Variants in MYO10 observed in about 807,000 individuals in gnomAD.
MYO10 encodes myosin X, also known as unconventional myosin-X.
Under a neutral mutation model 257.3 loss-of-function variants are expected in MYO10, and 133 were observed. The observed-to-expected ratio is 0.52, with a 90% CI of 0.45 to 0.60. MYO10 has a LOEUF of 0.60. Ranked by LOEUF, MYO10 falls within the 20% of genes least tolerant of loss-of-function variation. MYO10 has a pLI of 0.00. For missense variants in MYO10, 2,399 were observed against 2,635.7 expected (o/e 0.91, Z 1.97); for synonymous variants, 1,104 against 1,028.6 (o/e 1.07, Z -1.40).
At chr5:16,757,481 C>T (rs1434788523) in intron 18 of MYO10, among the ~76,000 whole-genome samples, 1 of 152,096 alleles carries the variant, frequency 6.6e-6, no homozygotes, top group Non-Finnish European at 1.5e-5. Context: ...GGGGAAAAAA[C>T]ATCCAGATAT....
intron 2 of MYO10, among the ~76,000 whole-genome samples, chr5:16,845,115 T>C (rs1743595200): frequency 6.6e-6 from 1 of 152,172 alleles, no homozygotes; most frequent in Admixed American, 6.5e-5. Context: ...AAAAGTGCTA[T>C]ACAGAACTGA....
At chr5:16,857,220 T>C (rs80047785) in intron 2 of MYO10, among the ~76,000 whole-genome samples, 3,390 of 152,244 alleles carry the variant, frequency 0.022, 103 homozygotes, top group African/African-American at 0.062. Context: ...AAAACAACAC[T>C]GGGTTACAGA....
rs1169860218 is a variant in MYO10, at chr5:16,769,119, T to C, written c.1015A>G (p.Ile339Val). 1.2e-6 allele frequency: 2 copies of C among 1,612,250 alleles called. No homozygotes were observed. Among genetic ancestry groups the C allele is most frequent in the East Asian group, 4.5e-5 (2 of 44,778 alleles). Residue 339 changes from isoleucine (I) to valine (V), a missense_variant, in exon 10 of 41, where the codon ATA becomes GTA. Physicochemically the swap from Ile to Val is conservative, Grantham distance 29 (BLOSUM62 3). Transcript: ENST00000513610. The stretch of plus-strand genomic sequence containing the variant: ...GCCCCACCAGCAGTGATAAATTCTA[T>C]GTTCCCAAGATGCAGTATACCAGCA... ...LLAGILHLGN[I>V]EFITAGGAQV...
At chr5:16,747,700 C>G (rs772001349) in intron 19 of MYO10, among the ~76,000 whole-genome samples, 1 of 151,964 alleles carries the variant, frequency 6.6e-6, no homozygotes, top group Non-Finnish European at 1.5e-5. Context: ...GGGTGGATCA[C>G]GAGGTCAGGA....
At position 16,676,107 on chromosome 5, in the gene MYO10, G is replaced by C. The variant is rs1736711360; in HGVS notation, c.4590C>G (p.Asn1530Lys). 1 of 1,613,332 alleles carries C rather than the reference G, an allele frequency of 6.2e-7. No homozygotes were observed. Among genetic ancestry groups the C allele is most frequent in the Admixed American group, 1.7e-5 (1 of 59,902 alleles). ...GGTGATGGGTGTATCGAAGGATCGG[G>C]TTCCGCTTGTAAATCTGTTCCACCA... Reference protein sequence around the residue: ...SDVVEQIYKRNPILRYTHHPL... With the variant: ...SDVVEQIYKRKPILRYTHHPL... Residue 1530 changes from asparagine (N) to lysine (K), a missense_variant, in exon 34 of 41, where the codon AAC (asparagine) becomes AAG (lysine). Transcript: ENST00000513610.
At chr5:16,884,286 TTGGGAGGCTGAGG>T (rs1193506313) in intron 1 of MYO10, among the ~76,000 whole-genome samples, 1 of 152,004 alleles carries the variant, frequency 6.6e-6, no homozygotes, top group Non-Finnish European at 1.5e-5. Flanking sequence ...TCTCAGCTAC[TTGGGAGGCTGAGG>T]TGGGAGGATC....
intron 2 of MYO10, among the ~76,000 whole-genome samples, chr5:16,858,608 A>G (rs958808111): frequency 6.6e-6 from 1 of 152,200 alleles, no homozygotes; most frequent in South Asian, 2.1e-4. Flanking sequence ...TTAAAATGGC[A>G]GCACAATCAT....
intron 19 of MYO10, among the ~76,000 whole-genome samples, chr5:16,743,547 G>C (rs939036183): frequency 6.6e-6 from 1 of 151,990 alleles, no homozygotes; most frequent in Non-Finnish European, 1.5e-5. Flanking sequence ...GGAGGCTGAG[G>C]CAGGAGAATT....
At chr5:16,834,686 A>G (rs910900776) in intron 2 of MYO10, among the ~76,000 whole-genome samples, 2 of 152,196 alleles carry the variant, frequency 1.3e-5, no homozygotes, top group Non-Finnish European at 1.5e-5. Context: ...TCACCTTGAA[A>G]TTTTCTTAAA....
intron 1 of MYO10, among the ~76,000 whole-genome samples, chr5:16,912,573 T>C (rs1249157176): frequency 6.6e-6 from 1 of 152,142 alleles, no homozygotes; most frequent in East Asian, 1.9e-4. Context: ...AGTTATTTAA[T>C]GGGCTTGTCA....
chr5:16,889,234 C>T (rs900763766), intron 1 of MYO10, among the ~76,000 whole-genome samples: 3 of 149,550 alleles, frequency 2.0e-5, no homozygotes, highest in African/African-American at 7.4e-5. Context: ...GGTGAAACCC[C>T]ATCTCTATTA....
At chr5:16,838,869 G>A (rs1262945945) in intron 2 of MYO10, among the ~76,000 whole-genome samples, 2 of 152,116 alleles carry the variant, frequency 1.3e-5, no homozygotes, top group African/African-American at 4.8e-5. Flanking sequence ...CTCTATAAAC[G>A]GAATAACAGA....
intron 26 of MYO10, among the ~76,000 whole-genome samples, chr5:16,697,304 CAG>C (rs1459953333): frequency 6.7e-6 from 1 of 150,154 alleles, no homozygotes; most frequent in Non-Finnish European, 1.5e-5. Context: ...GTGAAGAAAA[CAG>C]AAAAAAAATA....
intron 36 of MYO10, 24 bp downstream of exon 36, chr5:16,673,658 C>T (rs778936888): frequency 6.2e-7 from 1 of 1,603,034 alleles, no homozygotes. Context: ...TCTAACAGAA[C>T]AAGCAGCAGC....
chr5:16,713,738 C>T (rs189889836), intron 19 of MYO10, among the ~76,000 whole-genome samples: 516 of 152,274 alleles, frequency 3.4e-3, no homozygotes, highest in African/African-American at 0.011. Context: ...GTTTTCTTTT[C>T]GGCTGCAATT....
chr5:16,674,258 A>C (rs868243560), intron 35 of MYO10, among the ~76,000 whole-genome samples: 2 of 152,310 alleles, frequency 1.3e-5, no homozygotes, highest in Middle Eastern at 3.4e-3. Context: ...ACCTGAGGTC[A>C]GAAGTTCGAG....
Position 16,769,181 on chromosome 5 carries a change from A to G in MYO10, c.953T>C (p.Phe318Ser). 6.2e-7 allele frequency: 1 copy of G among 1,611,056 alleles called. No individual in the cohort carries two copies. Among genetic ancestry groups the G allele is most frequent in the Non-Finnish European group, 8.5e-7 (1 of 1,178,884 alleles). The part of the protein sequence containing the change: ...EVITAMDVMQ[F>S]SKEEVREVSR... ...CACTTCCCGAACTTCCTCCTTGCTG[A>G]ACTGCATCACGTCCATTGCCGTCTA... The change falls in exon 10 of 41, where the codon TTC becomes TCC. Residue 318 changes from phenylalanine (F) to serine (S), a missense_variant. This residue lies in a region of MYO10 where 337 missense variants were observed against 446.8 expected (regional missense o/e 0.75). Transcript: ENST00000513610.
At chr5:16,782,335 C>T (rs969502762) in intron 5 of MYO10, among the ~76,000 whole-genome samples, 6 of 152,142 alleles carry the variant, frequency 3.9e-5, no homozygotes, top group Admixed American at 2.6e-4. Flanking sequence ...TTGCAGACCA[C>T]GGGATCTCGG....
chr5:16,803,452 C>G (rs561764984), intron 3 of MYO10, among the ~76,000 whole-genome samples: 74 of 152,286 alleles, frequency 4.9e-4, no homozygotes, highest in Admixed American at 1.0e-3. Flanking sequence ...TCAGCATACA[C>G]ACCTTCAAAT....
Sources: gnomAD v4.1 joint callset for allele counts (sites outside exome capture counted in the v4.1 genomes callset) on GRCh38, gnomAD v4.1.1 for gene constraint, gnomAD v4.1.1 regional missense constraint, MANE v1.5 for transcripts, NCBI Gene and HGNC (gene_info 2026-07-23, HGNC 2026-07-21) for gene names.